IL4: variants seen among roughly 807,000 people sequenced by gnomAD.
IL4 encodes interleukin-4.
Under a neutral mutation model 17.4 loss-of-function variants are expected in IL4, and 10 were observed. That is an observed-to-expected ratio of 0.57 (90% CI 0.35 to 0.97). The LOEUF is 0.97. Ranked by LOEUF, IL4 falls within the 50% of genes least tolerant of loss-of-function variation. IL4 has a pLI of 0.01. For synonymous variants in IL4, 87 were observed against 79.0 expected (o/e 1.10, Z -0.54); for missense variants, 174 against 187.7 (o/e 0.93, Z 0.43).
intron 3 of IL4, 56 bp from the exon 4 acceptor site, chr5:132,682,430 C>CT (rs1752505263): frequency 2.9e-6 from 3 of 1,037,928 alleles, no homozygotes; most frequent in Non-Finnish European, 4.5e-6. Flanking sequence ...ATCAAGTAGA[C>CT]AGGCAGGCAA....
At chr5:132,679,959 C>A in intron 3 of IL4, 69 bp downstream of exon 3, 3 of 1,348,024 alleles carry the variant, frequency 2.2e-6, no homozygotes, top group Non-Finnish European at 3.1e-6. Context: ...CACTTCTAAA[C>A]ACTCCTTAGG....
intron 2 of IL4, among the ~76,000 whole-genome samples, chr5:132,678,287 C>A (rs976975172): frequency 4.0e-5 from 6 of 151,796 alleles, no homozygotes; most frequent in Non-Finnish European, 7.4e-5. Flanking sequence ...TCTAATACCA[C>A]CGAAGGGCTT....
At position 132,679,844 on chromosome 5, in the gene IL4, G is replaced by A. The variant is rs539263445; in HGVS notation, c.314G>A (p.Arg105Gln). The change falls in exon 3 of 4, where the codon CGA becomes CAA. Residue 105 changes from arginine to glutamine, a missense_variant. By Grantham distance (43) the Arg-to-Gln change is conservative. Coordinates refer to ENST00000231449, the MANE Select transcript of IL4 (RefSeq NM_000589.4). ...QQFHRHKQLI[R>Q]FLKRLDRNLW... ...TTCCACAGGCACAAGCAGCTGATCCGATTCCTGAAACGGCTCGACAGGAAC... is the reference window on the plus strand; with the variant it reads ...TTCCACAGGCACAAGCAGCTGATCCAATTCCTGAAACGGCTCGACAGGAAC... The A allele has an allele frequency of 3.0e-5, 49 of 1,613,874 alleles. No homozygotes were observed. Among genetic ancestry groups the A allele is most frequent in the South Asian group, 7.7e-5 (7 of 91,048 alleles).
chr5:132,680,338 G>C lies in IL4; in HGVS notation c.360+448G>C, dbSNP rs1218847568. 1.3e-5 allele frequency among the ~76,000 whole-genome samples: 2 copies of C among 152,156 alleles called. No individual in the cohort carries two copies. The highest frequency in any genetic ancestry group is 4.8e-5 in the African/African-American group (2 of 41,426). On this transcript the variant is annotated intron_variant, in intron 3 of 3. Transcript: ENST00000231449. The surrounding 1 kb of genome is among the most constrained non-coding windows in gnomAD (Gnocchi z 4.3). The stretch of plus-strand genomic sequence containing the variant: ...AAGGAGGAGGTATGCAAAGGCCTTA[G>C]GATGGAAATGAACTAACTTCCTGTA...
At chr5:132,678,046 T>C (rs577350233) in intron 2 of IL4, among the ~76,000 whole-genome samples, 32 of 152,244 alleles carry the variant, frequency 2.1e-4, no homozygotes, top group Non-Finnish European at 4.4e-4. Flanking sequence ...GAAGCTTCTG[T>C]AGCCTGGGAT....
chr5:132,674,306 C>A, intron 1 of IL4, 121 bp downstream of exon 1: 1 of 1,365,570 alleles, frequency 7.3e-7, no homozygotes, highest in South Asian at 1.2e-5. Context: ...CAGTCCAGGG[C>A]ACACAGCGAG....
At chr5:132,676,009 T>C (rs1752378226) in intron 2 of IL4, among the ~76,000 whole-genome samples, 1 of 147,884 alleles carries the variant, frequency 6.8e-6, no homozygotes, top group Admixed American at 6.8e-5. Context: ...AAGCCAAGAG[T>C]CCACCGGGTT....
chr5:132,682,601 T>C lies in IL4; in HGVS notation c.*14T>C. 7.3e-7 allele frequency: 1 copy of C among 1,371,346 alleles called. No homozygotes were observed. The allele number at this position is 1,371,346 out of a possible 1,614,324, so 84.9% of individuals were successfully genotyped here. On this transcript the variant is annotated 3_prime_UTR_variant, in exon 4 of 4. Transcript: ENST00000231449. ...TGTTCGAGCTGAATATTTTAATTTA[T>C]GAGTTTTTGATAGCTTTATTTTTTA...
intron 2 of IL4, among the ~76,000 whole-genome samples, chr5:132,675,865 G>A (rs1752368009): frequency 1.3e-5 from 2 of 148,958 alleles, no homozygotes; most frequent in Non-Finnish European, 1.5e-5. Context: ...GTGTGTGTGT[G>A]TGTGTGTGTG....
chr5:132,681,100 G>C (rs1752478960), intron 3 of IL4, among the ~76,000 whole-genome samples: 1 of 152,198 alleles, frequency 6.6e-6, no homozygotes, highest in South Asian at 2.1e-4. Flanking sequence ...TTAGGGGAGA[G>C]GTCAGAACTT....
chr5:132,676,460 C>T (rs1379123988), intron 2 of IL4, among the ~76,000 whole-genome samples: 1 of 152,100 alleles, frequency 6.6e-6, no homozygotes. Flanking sequence ...TGGAAGACCC[C>T]CGGGTGCAGG....
At position 132,682,468 on chromosome 5, in the gene IL4, G is replaced by A. The variant is rs754478579; in HGVS notation, c.361-18G>A. ...CAAATGCTTACCAATGCAAGCTAAT[G>A]AAATGTTTCTTTTGCAGAATTCCTG... On this transcript the variant is annotated intron_variant, in intron 3 of 3. Coordinates refer to ENST00000231449, the MANE Select transcript of IL4 (RefSeq NM_000589.4). The A allele has an allele frequency of 6.8e-7, 1 of 1,474,126 alleles. No homozygotes were observed. The highest frequency in any genetic ancestry group is 1.2e-5 in the South Asian group (1 of 86,458). 91.3% of individuals were successfully genotyped at this position (1,474,126 alleles called of 1,614,324 possible).
At chr5:132,678,568 G>A (rs1752427014) in intron 2 of IL4, among the ~76,000 whole-genome samples, 1 of 152,160 alleles carries the variant, frequency 6.6e-6, no homozygotes, top group Non-Finnish European at 1.5e-5. Flanking sequence ...AAACCCCTGA[G>A]CATCTTGTCA....
intron 2 of IL4, chr5:132,677,841 C>T (rs941175319): frequency 2.0e-5 from 3 of 152,270 alleles, no homozygotes; most frequent in East Asian, 3.9e-4. Flanking sequence ...CCCATCAGCC[C>T]GTGTCCCTTC....
chr5:132,681,013 T>G (rs1281909388), intron 3 of IL4, among the ~76,000 whole-genome samples: 5 of 152,192 alleles, frequency 3.3e-5, no homozygotes, highest in Admixed American at 1.3e-4. Flanking sequence ...GAGTTCAATT[T>G]TGTACATCGT....
rs748407182 is a variant in IL4 at position 132,682,529 on chromosome 5, A to C, written c.404A>C (p.Asn135Thr). 4 of 1,612,562 alleles carry C rather than the reference A, an allele frequency of 2.5e-6. No individual in the cohort carries two copies. In the African/African-American group the frequency reaches 5.3e-5, roughly 22 times the overall value. ...VKEANQSTLE[N>T]FLERLKTIMR... ...GAAGCCAACCAGAGTACGTTGGAAA[A>C]CTTCTTGGAAAGGCTAAAGACGATC... Residue 135 changes from asparagine to threonine, a missense_variant, in exon 4 of 4, where the codon AAC (asparagine) becomes ACC (threonine). Coordinates refer to ENST00000231449, the MANE Select transcript of IL4 (RefSeq NM_000589.4).
intron 2 of IL4, among the ~76,000 whole-genome samples, chr5:132,678,103 A>C (rs151219854): frequency 1.6e-3 from 242 of 152,368 alleles, no homozygotes; most frequent in African/African-American, 5.4e-3. Context: ...AAACGTTAAA[A>C]TATGAACTGC....
intron 2 of IL4, among the ~76,000 whole-genome samples, chr5:132,678,875 A>G (rs369829472): frequency 2.0e-4 from 30 of 152,332 alleles, no homozygotes; most frequent in African/African-American, 7.0e-4. Flanking sequence ...TGGGTTCCCA[A>G]TGACTTGTCT....
At chr5:132,675,170 T>C (rs987632311) in intron 2 of IL4, among the ~76,000 whole-genome samples, 1 of 152,118 alleles carries the variant, frequency 6.6e-6, no homozygotes, top group African/African-American at 2.4e-5. Context: ...CCCCCACCCC[T>C]CTATCTGTAG....
Sources: gnomAD v4.1 joint callset for allele counts (sites outside exome capture counted in the v4.1 genomes callset) on GRCh38, gnomAD v4.1.1 for gene constraint, Gnocchi (gnomAD v3.1) non-coding constraint, MANE v1.5 for transcripts, NCBI Gene and HGNC (gene_info 2026-07-23, HGNC 2026-07-21) for gene names.